The following FCHSD2 variants were observed in gnomAD, a reference collection of about 807,000 sequenced individuals.
FCHSD2 encodes the protein FCH and double SH3 domains 2, also known as F-BAR and double SH3 domains protein 2.
In FCHSD2, 38 loss-of-function variants were observed where a neutral mutation model predicts 108.1. That is an observed-to-expected ratio of 0.35 (90% CI 0.27 to 0.46). FCHSD2 has a LOEUF of 0.46. Ranked by LOEUF, FCHSD2 falls within the 20% of genes least tolerant of loss-of-function variation. The pLI, the probability that FCHSD2 is intolerant of heterozygous loss-of-function variation, is 1.00. For missense variants in FCHSD2, 751 were observed against 897.8 expected (o/e 0.84, Z 2.09); for synonymous variants, 279 against 314.7 (o/e 0.89, Z 1.20).
At chr11:72,851,242 T>A (rs1861280720) in intron 13 of FCHSD2, among the ~76,000 whole-genome samples, 1 of 150,974 alleles carries the variant, frequency 6.6e-6, no homozygotes, top group Non-Finnish European at 1.5e-5. Context: ...AAACTAAACA[T>A]ACCATTGATC....
At chr11:73,003,548 G>A (rs1263321716) in intron 4 of FCHSD2, among the ~76,000 whole-genome samples, 6 of 149,066 alleles carry the variant, frequency 4.0e-5, no homozygotes, top group East Asian at 4.0e-4. Flanking sequence ...GTGCAGTGGC[G>A]GGATCTCGGC....
intron 12 of FCHSD2, among the ~76,000 whole-genome samples, chr11:72,872,760 G>A (rs1854888272): frequency 1.3e-5 from 2 of 152,118 alleles, no homozygotes; most frequent in South Asian, 4.1e-4. Context: ...AAACGTGTGT[G>A]TATAAATTTT....
intron 2 of FCHSD2, among the ~76,000 whole-genome samples, chr11:73,128,242 C>T (rs1216052076): frequency 2.0e-5 from 3 of 152,140 alleles, no homozygotes; most frequent in Admixed American, 1.3e-4. Context: ...CTTGGGACAA[C>T]TGGAGTTCCA....
chr11:73,014,746 A>G (rs1489375021), intron 4 of FCHSD2, among the ~76,000 whole-genome samples: 2 of 152,192 alleles, frequency 1.3e-5, no homozygotes, highest in East Asian at 3.8e-4. Context: ...CCAGACTGCA[A>G]GCTCTGAGGT....
At chr11:72,860,280 G>C (rs1861535650) in intron 13 of FCHSD2, among the ~76,000 whole-genome samples, 1 of 152,124 alleles carries the variant, frequency 6.6e-6, no homozygotes, top group African/African-American at 2.4e-5. Flanking sequence ...TAACCAACCT[G>C]ACTTAATTGA....
chr11:72,984,235 A>T lies in FCHSD2; in HGVS notation c.577-19T>A, dbSNP rs1203695665. On this transcript the variant is annotated intron_variant, in intron 7 of 19. Transcript: ENST00000409418. ...CTTTTAACTAAAACATAGCAAAATA[A>T]AATAATCAGTGCAAACTGATATTGT... 1 of 1,613,206 alleles carries T rather than the reference A, an allele frequency of 6.2e-7. No individual in the cohort carries two copies. Among genetic ancestry groups the T allele is most frequent in the Admixed American group, 1.7e-5 (1 of 60,008 alleles).
chr11:73,042,537 T>C (rs1205187634), intron 3 of FCHSD2, among the ~76,000 whole-genome samples: 1 of 152,192 alleles, frequency 6.6e-6, no homozygotes, highest in East Asian at 1.9e-4. Flanking sequence ...CTTTGGCTAT[T>C]GAGGTCTTCT....
intron 9 of FCHSD2, among the ~76,000 whole-genome samples, chr11:72,903,509 G>T (rs1263782428): frequency 1.3e-5 from 2 of 152,062 alleles, no homozygotes; most frequent in Non-Finnish European, 2.9e-5. Flanking sequence ...GTGAGCTACC[G>T]CGCCCGGCCT....
At chr11:73,009,865 A>C (rs1236985406) in intron 4 of FCHSD2, among the ~76,000 whole-genome samples, 1 of 152,110 alleles carries the variant, frequency 6.6e-6, no homozygotes, top group Non-Finnish European at 1.5e-5. Context: ...GTTTGACTAT[A>C]ATGTACCATG....
intron 3 of FCHSD2, among the ~76,000 whole-genome samples, chr11:73,019,008 C>G (rs1858037036): frequency 6.6e-6 from 1 of 152,056 alleles, no homozygotes; most frequent in Non-Finnish European, 1.5e-5. Context: ...ACATAATATG[C>G]CAGGCAACAT....
At chr11:72,957,404 G>A (rs1677927229) in intron 8 of FCHSD2, among the ~76,000 whole-genome samples, 1 of 150,960 alleles carries the variant, frequency 6.6e-6, no homozygotes, top group African/African-American at 2.4e-5. Context: ...TGGTGTATAT[G>A]TGCCACATTT....
At chr11:73,024,062 A>T (rs989846613) in intron 3 of FCHSD2, among the ~76,000 whole-genome samples, 1 of 152,148 alleles carries the variant, frequency 6.6e-6, no homozygotes, top group African/African-American at 2.4e-5. Context: ...GTATTGTAGT[A>T]GTGGATCTGC....
intron 3 of FCHSD2, among the ~76,000 whole-genome samples, chr11:73,029,318 A>T (rs1023253710): frequency 1.3e-5 from 2 of 152,224 alleles, no homozygotes; most frequent in African/African-American, 4.8e-5. Flanking sequence ...CTCCCAACCT[A>T]GACAACAATC....
intron 5 of FCHSD2, among the ~76,000 whole-genome samples, chr11:72,991,769 TAAG>T (rs1459057247): frequency 6.6e-6 from 1 of 152,244 alleles, no homozygotes; most frequent in East Asian, 1.9e-4. Flanking sequence ...CTCAAAATAA[TAAG>T]AACTATCTAT....
chr11:73,052,716 T>TA (rs1179575532), intron 3 of FCHSD2, among the ~76,000 whole-genome samples: 5 of 152,358 alleles, frequency 3.3e-5, no homozygotes, highest in African/African-American at 1.2e-4. Context: ...TCGGTATTTT[T>TA]AATAATCTTC....
chr11:73,116,716 T>G (rs12419915), intron 2 of FCHSD2, among the ~76,000 whole-genome samples: 123,415 of 151,976 alleles, frequency 0.81, 50,387 homozygotes, highest in African/African-American at 0.88. Context: ...CTTTTTATTT[T>G]TATTAGGGAC....
chr11:73,135,201 C>T (rs1184801087), intron 2 of FCHSD2, among the ~76,000 whole-genome samples: 1 of 152,190 alleles, frequency 6.6e-6, no homozygotes, highest in Non-Finnish European at 1.5e-5. Context: ...TTTTTTACAA[C>T]TGGACTCATG....
chr11:73,117,697 T>A (rs151308853), intron 2 of FCHSD2, among the ~76,000 whole-genome samples: 1 of 152,328 alleles, frequency 6.6e-6, no homozygotes, highest in East Asian at 1.9e-4. Flanking sequence ...TTCAATCACA[T>A]TGTAAAGAAT....
intron 2 of FCHSD2, among the ~76,000 whole-genome samples, chr11:73,095,005 A>T (rs1207857105): frequency 6.6e-6 from 1 of 152,206 alleles, no homozygotes; most frequent in Admixed American, 6.5e-5. Context: ...AATTCTACTA[A>T]ATATGCAATG....
Sources: allele counts gnomAD v4.1 joint callset (sites outside exome capture counted in the v4.1 genomes callset), GRCh38; gene constraint gnomAD v4.1.1; transcripts MANE v1.5; gene names NCBI Gene and HGNC (gene_info 2026-07-23, HGNC 2026-07-21).